The following POU6F2 variants were observed in gnomAD, a reference collection of about 807,000 sequenced individuals.
POU6F2 encodes the protein POU class 6 homeobox 2, also known as POU domain, class 6, transcription factor 2.
A neutral mutation model predicts 71.3 loss-of-function variants in POU6F2; 31 were observed. The ratio of observed to expected loss-of-function variants is 0.43; its 90% CI spans 0.33 to 0.59. The LOEUF (loss-of-function observed/expected upper bound fraction) is 0.59. POU6F2 is among the 20% of genes least tolerant of loss of function. The pLI is 0.04. For synonymous variants in POU6F2, 347 were observed against 355.7 expected, an observed-to-expected ratio of 0.98 and a Z score of 0.27; for missense variants, 783 against 856.8, an observed-to-expected ratio of 0.91 and a Z score of 1.07.
At chr7:39,027,218 C>T (rs73363540) in intron 1 of POU6F2, among the ~76,000 whole-genome samples, 3,651 of 152,218 alleles carry the variant, frequency 0.024, 149 homozygotes, top group African/African-American at 0.084. Context: ...ATGCTTGAGA[C>T]CTTTGAAGCT....
chr7:39,269,570 C>G (rs1784307743), intron 4 of POU6F2, among the ~76,000 whole-genome samples: 1 of 152,222 alleles, frequency 6.6e-6, no homozygotes. Flanking sequence ...TCTTCTCATC[C>G]TATAAGTGGT....
chr7:39,332,579 G>T lies in POU6F2; in HGVS notation c.599-7063G>T, dbSNP rs760722067. Among the ~76,000 whole-genome samples, 39 of 152,312 alleles carry T rather than the reference G, an allele frequency of 2.6e-4. No individual in the cohort carries two copies. The Middle Eastern group carries it at 0.017, about 66-fold the overall frequency. ...AGTTGAGTTAGCAATAGAATTCTTGGTGGGAGATAACTTTCTCTCAGAACT... is the reference window on the plus strand; with the variant it reads ...AGTTGAGTTAGCAATAGAATTCTTGTTGGGAGATAACTTTCTCTCAGAACT... On this transcript the variant is annotated intron_variant, in intron 4 of 9. Coordinates refer to ENST00000518318, the MANE Select transcript of POU6F2 (RefSeq NM_001370959.1).
At chr7:39,203,966 T>TA (rs1229732010) in intron 2 of POU6F2, among the ~76,000 whole-genome samples, 1 of 152,124 alleles carries the variant, frequency 6.6e-6, no homozygotes, top group African/African-American at 2.4e-5. Flanking sequence ...CGCCTGTACT[T>TA]AAAGGTTGCA....
chr7:39,269,898 A>G (rs1784312898), intron 4 of POU6F2, among the ~76,000 whole-genome samples: 1 of 152,210 alleles, frequency 6.6e-6, no homozygotes. Flanking sequence ...AAATCACACC[A>G]TCCCATTCCA....
intron 1 of POU6F2, among the ~76,000 whole-genome samples, chr7:39,042,332 G>A (rs1186769959): frequency 6.6e-6 from 1 of 151,982 alleles, no homozygotes; most frequent in Non-Finnish European, 1.5e-5. Flanking sequence ...CTGCCCTTTA[G>A]AAGTTAAGAG....
Position 39,207,430 on chromosome 7 carries a change from C to T in POU6F2, c.408C>T (p.Ala136=), listed in dbSNP as rs1308449594. 1.2e-6 allele frequency: 2 copies of T among 1,613,910 alleles called. No individual in the cohort carries two copies. The highest frequency in any genetic ancestry group is 8.5e-7 in the Non-Finnish European group (1 of 1,179,852). The change falls in exon 4 of 10, where the codon GCC becomes GCT. Residue 136 remains alanine, a synonymous_variant. Coordinates refer to ENST00000518318, the MANE Select transcript of POU6F2 (RefSeq NM_001370959.1). ...LTAQQLASAV[A]GVMPGGPPAL... ...CACAGCAGTTAGCTTCTGCTGTGGC[C>T]GGCGTGATGCCGGGAGGCCCCCCAG...
intron 2 of POU6F2, among the ~76,000 whole-genome samples, chr7:39,090,989 TA>T (rs1204106912): frequency 3.3e-5 from 5 of 151,668 alleles, no homozygotes; most frequent in African/African-American, 1.2e-4. Context: ...TTCTTCCATT[TA>T]AGAAAATCTA....
chr7:39,339,097 A>G (rs77840831), intron 4 of POU6F2, among the ~76,000 whole-genome samples: 1 of 151,820 alleles, frequency 6.6e-6, no homozygotes, highest in Non-Finnish European at 1.5e-5. Context: ...AAAAAAAAAA[A>G]CAGTTAGAAA....
intron 5 of POU6F2, among the ~76,000 whole-genome samples, chr7:39,344,356 A>G (rs1485991018): frequency 1.3e-5 from 2 of 152,154 alleles, no homozygotes; most frequent in African/African-American, 4.8e-5. Flanking sequence ...GGAAAGGTCT[A>G]GTTACCACTC....
At chr7:39,414,823 G>A (rs1787639171) in intron 6 of POU6F2, among the ~76,000 whole-genome samples, 1 of 151,734 alleles carries the variant, frequency 6.6e-6, no homozygotes, top group Non-Finnish European at 1.5e-5. Flanking sequence ...TCCTTCCCCA[G>A]CAAAACTCAG....
intron 1 of POU6F2, among the ~76,000 whole-genome samples, chr7:39,061,695 A>C (rs1365965571): frequency 6.6e-6 from 1 of 152,220 alleles, no homozygotes; most frequent in Non-Finnish European, 1.5e-5. Flanking sequence ...TGGTGAATAT[A>C]AGTTTTCCAA....
chr7:39,032,815 G>A (rs1284837419), intron 1 of POU6F2, among the ~76,000 whole-genome samples: 2 of 152,184 alleles, frequency 1.3e-5, no homozygotes, highest in Non-Finnish European at 2.9e-5. Context: ...CACAGCTCAG[G>A]ATGCTATAAC....
chr7:39,330,058 A>G (rs1233096631), intron 4 of POU6F2, among the ~76,000 whole-genome samples: 1 of 152,234 alleles, frequency 6.6e-6, no homozygotes, highest in Non-Finnish European at 1.5e-5. Flanking sequence ...CTAAGTTCTC[A>G]GCCATCCTCC....
At chr7:39,448,210 G>A (rs182015457) in intron 7 of POU6F2, among the ~76,000 whole-genome samples, 6 of 152,274 alleles carry the variant, frequency 3.9e-5, no homozygotes, top group Admixed American at 3.3e-4. Flanking sequence ...TTATGAAGGC[G>A]AGAGGTCAGT....
chr7:38,997,662 T>C (rs553054048), intron 1 of POU6F2, among the ~76,000 whole-genome samples: 2 of 152,280 alleles, frequency 1.3e-5, no homozygotes, highest in Admixed American at 1.3e-4. Context: ...AACACAAACA[T>C]TGGCAGATGG....
chr7:39,093,919 C>T (rs1028614999), intron 2 of POU6F2, among the ~76,000 whole-genome samples: 2 of 152,064 alleles, frequency 1.3e-5, no homozygotes, highest in African/African-American at 4.8e-5. Context: ...ACATATAATG[C>T]TTCAAATTGT....
intron 4 of POU6F2, among the ~76,000 whole-genome samples, chr7:39,250,307 T>A (rs891235013): frequency 1.3e-5 from 2 of 152,164 alleles, no homozygotes; most frequent in Admixed American, 1.3e-4. Context: ...GCCTTTGGTT[T>A]TCTCCAGGTT....
At chr7:39,070,533 A>T (rs1790856488) in intron 1 of POU6F2, among the ~76,000 whole-genome samples, 1 of 151,572 alleles carries the variant, frequency 6.6e-6, no homozygotes, top group African/African-American at 2.4e-5. Context: ...ATGGCCAAAA[A>T]ATGGCCTACT....
chr7:39,269,912 T>C (rs1045169878), intron 4 of POU6F2, among the ~76,000 whole-genome samples: 2 of 152,142 alleles, frequency 1.3e-5, no homozygotes, highest in Non-Finnish European at 1.5e-5. Context: ...CATTCCAGAC[T>C]CATCAAGGCT....
Sources: allele counts gnomAD v4.1 joint callset (sites outside exome capture counted in the v4.1 genomes callset), GRCh38; gene constraint gnomAD v4.1.1; transcripts MANE v1.5; gene names NCBI Gene and HGNC (gene_info 2026-07-23, HGNC 2026-07-21).